Variants in CA10 observed in about 807,000 individuals in gnomAD.
CA10 encodes the protein carbonic anhydrase-related protein 10.
In CA10, 14 loss-of-function variants were observed where a neutral mutation model predicts 44.2. That is an observed-to-expected ratio of 0.32 (90% CI 0.21 to 0.50). The LOEUF is 0.50. Ranked by LOEUF, CA10 falls within the 20% of genes least tolerant of loss-of-function variation. CA10 has a pLI of 0.99. For synonymous variants in CA10, 159 were observed against 141.6 expected (o/e 1.12, Z -0.87); for missense variants, 350 against 409.7 (o/e 0.85, Z 1.26).
chr17:52,134,891 C>T (rs1293927334), intron 1 of CA10: 3 of 518,900 alleles, frequency 5.8e-6, no homozygotes, highest in Non-Finnish European at 1.2e-5. Context: ...TTCTCCCTCA[C>T]CCCCACCATA....
chr17:52,101,220 A>G (rs1481153836), intron 1 of CA10, among the ~76,000 whole-genome samples: 1 of 152,188 alleles, frequency 6.6e-6, no homozygotes, highest in Admixed American at 6.5e-5. Context: ...GAGATGCTGC[A>G]ATGAAAACAT....
chr17:51,937,668 T>C (rs1982920481), intron 2 of CA10, among the ~76,000 whole-genome samples: 1 of 152,070 alleles, frequency 6.6e-6, no homozygotes, highest in African/African-American at 2.4e-5. Context: ...GAAAGATAAA[T>C]CAAAATGCTC....
chr17:51,823,132 C>T (rs557785765), intron 3 of CA10, among the ~76,000 whole-genome samples: 11 of 152,310 alleles, frequency 7.2e-5, no homozygotes, highest in Admixed American at 2.0e-4. Flanking sequence ...TTTTAACAGA[C>T]ATCGAAAGTC....
At chr17:51,949,161 T>C (rs1983392759) in intron 2 of CA10, among the ~76,000 whole-genome samples, 3 of 152,230 alleles carry the variant, frequency 2.0e-5, no homozygotes, top group Admixed American at 6.5e-5. Flanking sequence ...GCCCAATATT[T>C]AGTTGGGATT....
At chr17:51,815,197 G>C (rs912612114) in intron 3 of CA10, among the ~76,000 whole-genome samples, 3 of 152,008 alleles carry the variant, frequency 2.0e-5, no homozygotes, top group African/African-American at 7.3e-5. Flanking sequence ...AGTAAGCAGA[G>C]GCCAGGGATG....
chr17:52,082,117 C>G (rs1329021241), intron 1 of CA10, among the ~76,000 whole-genome samples: 1 of 152,272 alleles, frequency 6.6e-6, no homozygotes, highest in East Asian at 1.9e-4. Context: ...CAACACATAT[C>G]GTAGGTACAC....
chr17:51,972,473 G>T (rs731666), intron 2 of CA10, among the ~76,000 whole-genome samples: 6,422 of 152,014 alleles, frequency 0.042, 474 homozygotes, highest in African/African-American at 0.15. Context: ...TATAGATACA[G>T]AGATTAATAA....
intron 4 of CA10, among the ~76,000 whole-genome samples, chr17:51,743,690 G>A (rs1024629634): frequency 1.3e-5 from 2 of 152,186 alleles, no homozygotes; most frequent in Non-Finnish European, 2.9e-5. Context: ...GGCATTAATT[G>A]ACTTATCACG....
intron 7 of CA10, 77 bp downstream of exon 7, chr17:51,635,778 A>G (rs1912798599): frequency 5.1e-6 from 6 of 1,165,698 alleles, no homozygotes; most frequent in Non-Finnish European, 6.0e-6. Context: ...AACTATTATA[A>G]TAGGCACTCC....
rs117170599 is a variant in CA10, at chr17:52,117,329, G to A, written c.61+40397C>T. 2.8e-3 allele frequency among the ~76,000 whole-genome samples: 428 copies of A among 152,258 alleles called. 6 individuals are homozygous for A. In the East Asian group the frequency reaches 0.035, roughly 12 times the overall value. Reference sequence around the variant, plus strand: ...TCATGGAAGCCCAGGAATTAGAAGCGGATAAATCCCTCTCAAAATCTGTTT... The same window carrying A: ...TCATGGAAGCCCAGGAATTAGAAGCAGATAAATCCCTCTCAAAATCTGTTT... On this transcript the variant is annotated intron_variant, in intron 1 of 8. Coordinates refer to ENST00000451037, the MANE Select transcript of CA10 (RefSeq NM_020178.5).
chr17:52,070,696 A>G (rs1218174555), intron 2 of CA10, among the ~76,000 whole-genome samples: 1 of 152,238 alleles, frequency 6.6e-6, no homozygotes, highest in East Asian at 1.9e-4. Context: ...TAAGGGGACA[A>G]TAAAAATTAT....
chr17:51,837,365 C>A (rs1283043957), intron 3 of CA10, among the ~76,000 whole-genome samples: 2 of 152,162 alleles, frequency 1.3e-5, no homozygotes, highest in Non-Finnish European at 2.9e-5. Context: ...GACGTGAGGG[C>A]TGACATTTCT....
intron 1 of CA10, among the ~76,000 whole-genome samples, chr17:52,103,194 C>G (rs778661018): frequency 9.2e-5 from 14 of 152,200 alleles, no homozygotes; most frequent in South Asian, 2.1e-4. Flanking sequence ...TTTTTGTACA[C>G]AGCCCTAAGT....
intron 1 of CA10, among the ~76,000 whole-genome samples, chr17:52,141,452 A>G (rs1989477235): frequency 6.6e-6 from 1 of 152,204 alleles, no homozygotes; most frequent in Non-Finnish European, 1.5e-5. Flanking sequence ...TCAGGTACCC[A>G]GTTTATCCTC....
chr17:52,117,451 T>C (rs979044374), intron 1 of CA10, among the ~76,000 whole-genome samples: 2 of 152,182 alleles, frequency 1.3e-5, no homozygotes, highest in Non-Finnish European at 2.9e-5. Context: ...ATTGTTGAGA[T>C]TGGGATTTTT....
rs111347102 is a variant in CA10 at position 51,835,403 on chromosome 17, G to A, written c.280-87585C>T. Among the ~76,000 whole-genome samples the A allele has an allele frequency of 4.6e-3, 703 of 152,264 alleles. 3 individuals are homozygous for A. The highest frequency in any genetic ancestry group is 0.016 in the African/African-American group (683 of 41,536). On this transcript the variant is annotated intron_variant, in intron 3 of 8. Transcript: ENST00000451037. ...AAGATTTACTTTGTGGCACTTCAGC[G>A]GTGGAACTGTGGCCTGCTGACAACA...
chr17:51,919,510 G>A (rs966101211), intron 3 of CA10, among the ~76,000 whole-genome samples: 1 of 146,138 alleles, frequency 6.8e-6, no homozygotes, highest in Non-Finnish European at 1.5e-5. Flanking sequence ...CTTAGCTCAT[G>A]TTTTTTTCTT....
intron 2 of CA10, among the ~76,000 whole-genome samples, chr17:51,956,616 A>T (rs1353079808): frequency 2.0e-5 from 3 of 152,188 alleles, no homozygotes; most frequent in African/African-American, 7.2e-5. Flanking sequence ...ATTAGCAAAA[A>T]CAGGAAGTGG....
chr17:51,946,343 A>G (rs964447015), intron 2 of CA10, among the ~76,000 whole-genome samples: 1 of 152,194 alleles, frequency 6.6e-6, no homozygotes, highest in Non-Finnish European at 1.5e-5. Flanking sequence ...ACGTATGTTA[A>G]TTAACTTGAT....
Sources: gnomAD v4.1 joint callset for allele counts (sites outside exome capture counted in the v4.1 genomes callset) on GRCh38, gnomAD v4.1.1 for gene constraint, MANE v1.5 for transcripts, NCBI Gene and HGNC (gene_info 2026-07-23, HGNC 2026-07-21) for gene names.